GPATCH2: variants seen among roughly 807,000 people sequenced by gnomAD.
GPATCH2 encodes the protein G-patch domain containing 2.
Under a neutral mutation model 58.0 loss-of-function variants are expected in GPATCH2, and 51 were observed. The observed-to-expected ratio is 0.88, with a 90% CI of 0.70 to 1.11. The LOEUF (loss-of-function observed/expected upper bound fraction) is 1.11, where lower values mean the gene tolerates loss of function less well. Among genes scored for constraint, GPATCH2 ranks in the 50% most tolerant of loss-of-function variants. The probability of loss-of-function intolerance (pLI) is 0.00; values close to 1 mark genes in which losing one functional copy is unlikely to be tolerated. For synonymous variants in GPATCH2, 222 were observed against 218.5 expected, an observed-to-expected ratio of 1.02 and a Z score of -0.14; for missense variants, 625 against 652.2, an observed-to-expected ratio of 0.96 and a Z score of 0.45.
At chr1:217,560,600 C>T (rs1201129788) in intron 5 of GPATCH2, among the ~76,000 whole-genome samples, 1 of 152,180 alleles carries the variant, frequency 6.6e-6, no homozygotes, top group Admixed American at 6.5e-5. Flanking sequence ...TTCAAACATT[C>T]GGAATATAAT....
intron 5 of GPATCH2, among the ~76,000 whole-genome samples, chr1:217,553,051 A>G (rs1665438871): frequency 6.6e-6 from 1 of 152,150 alleles, no homozygotes; most frequent in Non-Finnish European, 1.5e-5. Context: ...TCAGAGTTTC[A>G]TTATTATTAA....
Position 217,583,442 on chromosome 1 carries a change from G to A in GPATCH2, c.1098+26879C>T, listed in dbSNP as rs111268445. Among the ~76,000 whole-genome samples the A allele has an allele frequency of 7.5e-4, 113 of 151,672 alleles. 1 individual carries two copies. Among genetic ancestry groups the A allele is most frequent in the African/African-American group, 2.6e-3 (107 of 41,384 alleles). On this transcript the variant is annotated intron_variant, in intron 5 of 9. Coordinates refer to ENST00000366935, the MANE Select transcript of GPATCH2 (RefSeq NM_018040.5). The stretch of plus-strand genomic sequence containing the variant: ...AAAATTAGCCGGGTGGTGGTGGCAC[G>A]TGCCTGTAATCCCAGCTACTCAGGA...
chr1:217,603,572 G>A (rs895372316), intron 5 of GPATCH2, among the ~76,000 whole-genome samples: 8 of 151,756 alleles, frequency 5.3e-5, no homozygotes, highest in South Asian at 2.1e-4. Flanking sequence ...TTATGATATC[G>A]AATCTACAGT....
chr1:217,468,983 A>G (rs531393005), intron 8 of GPATCH2, among the ~76,000 whole-genome samples: 24 of 152,158 alleles, frequency 1.6e-4, no homozygotes, highest in Non-Finnish European at 3.2e-4. Context: ...TTCAATCCTT[A>G]AGATTGCCAG....
intron 1 of GPATCH2, among the ~76,000 whole-genome samples, chr1:217,622,111 T>C (rs1669217590): frequency 6.6e-6 from 1 of 152,204 alleles, no homozygotes; most frequent in South Asian, 2.1e-4. Flanking sequence ...TTGTTTATGA[T>C]TAATTTAGCA....
At chr1:217,627,595 A>G (rs977704386) in intron 1 of GPATCH2, among the ~76,000 whole-genome samples, 1 of 152,132 alleles carries the variant, frequency 6.6e-6, no homozygotes, top group African/African-American at 2.4e-5. Flanking sequence ...ACTAACTTGT[A>G]TTCAATCACG....
At chr1:217,553,722 T>C (rs955123530) in intron 5 of GPATCH2, among the ~76,000 whole-genome samples, 2 of 152,204 alleles carry the variant, frequency 1.3e-5, no homozygotes, top group African/African-American at 2.4e-5. Flanking sequence ...AAGGTTTCGA[T>C]TGTGAGTCAA....
intron 8 of GPATCH2, among the ~76,000 whole-genome samples, chr1:217,457,798 A>G (rs1660011910): frequency 6.6e-6 from 1 of 152,216 alleles, no homozygotes; most frequent in East Asian, 1.9e-4. Context: ...ACATACAAGA[A>G]TGAAACACTC....
At position 217,465,205 on chromosome 1, in the gene GPATCH2, A is replaced by G. The variant is rs969323874; in HGVS notation, c.1278-15868T>C. Among the ~76,000 whole-genome samples, 50 of 152,208 alleles carry G rather than the reference A, an allele frequency of 3.3e-4. No individual in the cohort carries two copies. In the Middle Eastern group the frequency reaches 0.01, roughly 31 times the overall value. The stretch of plus-strand genomic sequence containing the variant: ...ATAAAAATGGAAAAGGCAAAAAATA[A>G]AAACTTTAAAATTAAAAAAAGAAAT... On this transcript the variant is annotated intron_variant, in intron 8 of 9. Transcript: ENST00000366935.
At chr1:217,523,891 G>A (rs1379244424) in intron 5 of GPATCH2, among the ~76,000 whole-genome samples, 1 of 113,340 alleles carries the variant, frequency 8.8e-6, no homozygotes, top group African/African-American at 2.9e-5. Flanking sequence ...GCGGCTGGCC[G>A]GGCGGGGGGC....
intron 1 of GPATCH2, among the ~76,000 whole-genome samples, chr1:217,630,416 AG>A (rs1297660769): frequency 6.6e-6 from 1 of 152,210 alleles, no homozygotes; most frequent in Non-Finnish European, 1.5e-5. Context: ...TAACTTGAAT[AG>A]AATGTTCAAG....
At position 217,584,341 on chromosome 1, in the gene GPATCH2, AAAAATATAT is replaced by A. The variant is rs1270250539; in HGVS notation, c.1098+25971_1098+25979del. 2.4e-4 allele frequency among the ~76,000 whole-genome samples: 26 copies of A among 106,582 alleles called. 1 individual carries two copies. Among genetic ancestry groups the A allele is most frequent in the African/African-American group, 7.7e-4 (24 of 31,342 alleles). 69.9% of individuals were successfully genotyped at this position (106,582 alleles called of 152,430 possible). On this transcript the variant is annotated intron_variant, in intron 5 of 9. Coordinates refer to ENST00000366935, the MANE Select transcript of GPATCH2 (RefSeq NM_018040.5). The stretch of plus-strand genomic sequence containing the variant: ...AACCTCACCTCTACTAAAAAAAAAA[AAAAATATAT>A]ATATATATATATATACACACACACA...
intron 7 of GPATCH2, among the ~76,000 whole-genome samples, chr1:217,497,794 GAACT>G (rs1326374748): frequency 6.6e-6 from 1 of 152,020 alleles, no homozygotes; most frequent in Non-Finnish European, 1.5e-5. Flanking sequence ...TTCCGAGAAA[GAACT>G]AATATAATCA....
At chr1:217,528,736 G>A (rs573069236) in intron 5 of GPATCH2, among the ~76,000 whole-genome samples, 1 of 152,298 alleles carries the variant, frequency 6.6e-6, no homozygotes, top group South Asian at 2.1e-4. Flanking sequence ...ATTTGTGGAA[G>A]GAGGAGGCCA....
At chr1:217,554,204 T>C (rs967231574) in intron 5 of GPATCH2, among the ~76,000 whole-genome samples, 1 of 152,234 alleles carries the variant, frequency 6.6e-6, no homozygotes, top group Non-Finnish European at 1.5e-5. Flanking sequence ...TTTGAGTTTA[T>C]TGTTGTGCAC....
At chr1:217,527,828 T>C (rs1264690161) in intron 5 of GPATCH2, among the ~76,000 whole-genome samples, 1 of 152,246 alleles carries the variant, frequency 6.6e-6, no homozygotes, top group Non-Finnish European at 1.5e-5. Flanking sequence ...ACTCAGGTGC[T>C]ACATGGAAGA....
intron 9 of GPATCH2, among the ~76,000 whole-genome samples, chr1:217,448,597 A>C (rs886479976): frequency 9.2e-5 from 14 of 152,288 alleles, no homozygotes; most frequent in Non-Finnish European, 5.9e-5. Context: ...CCTTTCAGTA[A>C]GGCAGGCTTC....
intron 5 of GPATCH2, among the ~76,000 whole-genome samples, chr1:217,543,898 C>T (rs894903444): frequency 6.6e-6 from 1 of 152,064 alleles, no homozygotes; most frequent in African/African-American, 2.4e-5. Flanking sequence ...AGAAGAGAAT[C>T]CTTCAAGAGG....
chr1:217,472,905 C>T lies in GPATCH2; in HGVS notation c.1277+18775G>A, dbSNP rs188832974. On this transcript the variant is annotated intron_variant, in intron 8 of 9. Coordinates refer to ENST00000366935, the MANE Select transcript of GPATCH2 (RefSeq NM_018040.5). ...GAAATGGCTTTGGCATTGTCCTAGT[C>T]CCCCCTAGAAACAGGATGCCCTTCA... Among the ~76,000 whole-genome samples, 1,468 of 152,182 alleles carry T rather than the reference C, an allele frequency of 9.6e-3. 11 individuals are homozygous for T. The highest frequency in any genetic ancestry group is 0.048 in the Middle Eastern group (14 of 294).
Sources: gnomAD v4.1 joint callset for allele counts (sites outside exome capture counted in the v4.1 genomes callset) on GRCh38, gnomAD v4.1.1 for gene constraint, MANE v1.5 for transcripts, NCBI Gene and HGNC (gene_info 2026-07-23, HGNC 2026-07-21) for gene names.